The following SEMA4D variants were observed in gnomAD, a reference collection of about 807,000 sequenced individuals.
SEMA4D encodes semaphorin-4D.
A neutral mutation model predicts 74.8 loss-of-function variants in SEMA4D; 22 were observed. The ratio of observed to expected loss-of-function variants is 0.29; its 90% confidence interval spans 0.21 to 0.42. The LOEUF is 0.42. Among genes scored for constraint, SEMA4D ranks in the 10% least tolerant of loss-of-function variants. SEMA4D has a pLI of 1.00. For missense variants in SEMA4D, 937 were observed against 1,118.4 expected (o/e 0.84, Z 2.31); for synonymous variants, 445 against 463.7 (o/e 0.96, Z 0.52).
intron 16 of SEMA4D, among the ~76,000 whole-genome samples, chr9:89,371,900 G>A (rs1436118513): frequency 9.7e-6 from 1 of 103,472 alleles, no homozygotes; most frequent in African/African-American, 4.1e-5. Context: ...TCTGGGGTGT[G>A]GTATGTGTGT....
At chr9:89,384,925 C>A in intron 13 of SEMA4D, 6 of 985,470 alleles carry the variant, frequency 6.1e-6, no homozygotes, top group Non-Finnish European at 7.2e-6. Flanking sequence ...CAGGACCCCA[C>A]GGCAGGCAGG....
intron 1 of SEMA4D, among the ~76,000 whole-genome samples, chr9:89,458,231 G>GT (rs1195492848): frequency 6.6e-6 from 1 of 152,198 alleles, no homozygotes; most frequent in Non-Finnish European, 1.5e-5. Flanking sequence ...CCAGAGAGTA[G>GT]TAACAGGTTT....
chr9:89,479,486 A>G (rs569580519), intron 1 of SEMA4D: 49 of 173,800 alleles, frequency 2.8e-4, no homozygotes, highest in African/African-American at 1.2e-3. Context: ...TGTATCCCCT[A>G]TTGTGTCCGG....
At chr9:89,417,588 G>A (rs1215485539) in intron 2 of SEMA4D, among the ~76,000 whole-genome samples, 1 of 152,226 alleles carries the variant, frequency 6.6e-6, no homozygotes, top group Non-Finnish European at 1.5e-5. Context: ...AACTGAAAAT[G>A]CATGGCTTGG....
intron 1 of SEMA4D, among the ~76,000 whole-genome samples, chr9:89,481,487 A>T (rs940189410): frequency 1.3e-5 from 2 of 152,242 alleles, no homozygotes; most frequent in Non-Finnish European, 2.9e-5. Flanking sequence ...TCCTGAAAGG[A>T]CAATAAAAGG....
At chr9:89,371,892 TG>T (rs1160628654) in intron 16 of SEMA4D, among the ~76,000 whole-genome samples, 2 of 39,108 alleles carry the variant, frequency 5.1e-5, no homozygotes, top group African/African-American at 2.2e-4. Context: ...GTGTGGTGTC[TG>T]GGGTGTGGTA....
chr9:89,383,846 C>G (rs1318875498), intron 13 of SEMA4D, among the ~76,000 whole-genome samples: 1 of 152,170 alleles, frequency 6.6e-6, no homozygotes, highest in Non-Finnish European at 1.5e-5. Context: ...GCAAGCCTGT[C>G]CTGTGCACTC....
chr9:89,497,856 C>G (rs1826158594), intron 1 of SEMA4D, 63 bp downstream of exon 1: 1 of 151,362 alleles, frequency 6.6e-6, no homozygotes, highest in African/African-American at 2.4e-5. Flanking sequence ...AGGGTCCAGG[C>G]CGCCCCCAGC....
intron 2 of SEMA4D, among the ~76,000 whole-genome samples, chr9:89,419,884 T>C (rs1288865593): frequency 6.6e-6 from 1 of 152,100 alleles, no homozygotes; most frequent in Non-Finnish European, 1.5e-5. Context: ...GCCATTGCAC[T>C]CTGACCTGGG....
chr9:89,438,209 G>A (rs7041468), intron 2 of SEMA4D, among the ~76,000 whole-genome samples: 77,658 of 152,094 alleles, frequency 0.51, 20,441 homozygotes, highest in African/African-American at 0.65. Flanking sequence ...GCCTTTTGTG[G>A]CCATGAAGGC....
exon 19 of SEMA4D, chr9:89,361,242 G>GTGAT (rs1411472987): frequency 6.6e-6 from 1 of 152,220 alleles, no homozygotes; most frequent in Non-Finnish European, 1.5e-5. Context: ...GACACCTGTT[G>GTGAT]TGATGGATCC....
rs1031976041 is a variant in SEMA4D at position 89,385,153 on chromosome 9, CCT to C, written c.1446+1212_1446+1213del. 5.2e-5 allele frequency: 46 copies of C among 887,208 alleles called. No homozygotes were observed. In the African/African-American group the frequency reaches 7.6e-4, roughly 15 times the overall value. The allele number at this position is 887,208 out of a possible 1,614,324, so 55.0% of individuals were successfully genotyped here. A position where few individuals can be genotyped will look rare whatever the true frequency, so the allele number is the denominator to read the frequency against. Reference sequence around the variant, plus strand: ...GCGGGTGGGCACTGACCCGTAACCCCCTCTGTGCGGCCCTCCTCTTCCTACCC... The same window carrying C: ...GCGGGTGGGCACTGACCCGTAACCCCCTGTGCGGCCCTCCTCTTCCTACCC... On this transcript the variant is annotated intron_variant, in intron 13 of 15. Transcript: ENST00000422704.
chr9:89,370,376 G>T (rs1834378295), intron 16 of SEMA4D, among the ~76,000 whole-genome samples: 1 of 151,298 alleles, frequency 6.6e-6, no homozygotes, highest in Non-Finnish European at 1.5e-5. Flanking sequence ...TACGTATGTG[G>T]TGTATCTGAT....
chr9:89,469,449 G>A (rs1180081934), intron 1 of SEMA4D, among the ~76,000 whole-genome samples: 2 of 152,136 alleles, frequency 1.3e-5, no homozygotes, highest in Non-Finnish European at 2.9e-5. Context: ...TACCCTGATA[G>A]CAAATCCAGA....
intron 2 of SEMA4D, among the ~76,000 whole-genome samples, chr9:89,425,289 T>C (rs1287244367): frequency 6.6e-6 from 1 of 152,146 alleles, no homozygotes; most frequent in African/African-American, 2.4e-5. Context: ...GTGGCTCAGC[T>C]CGAAGGCCAG....
chr9:89,404,385 C>T (rs116303276), intron 3 of SEMA4D, among the ~76,000 whole-genome samples: 362 of 152,268 alleles, frequency 2.4e-3, no homozygotes, highest in African/African-American at 8.4e-3. Flanking sequence ...GAGGTCTGCA[C>T]GAGCCTTGCT....
intron 2 of SEMA4D, among the ~76,000 whole-genome samples, chr9:89,424,509 A>C (rs1041972767): frequency 1.3e-5 from 2 of 152,216 alleles, no homozygotes; most frequent in Non-Finnish European, 2.9e-5. Context: ...ATTTAAATCC[A>C]AGATGCTTCC....
rs1010109017 is a variant in SEMA4D, at chr9:89,492,674, C to T, written c.-310+5245G>A. Among the ~76,000 whole-genome samples the T allele has an allele frequency of 1.3e-5, 2 of 152,182 alleles. No homozygotes were observed. Among genetic ancestry groups the T allele is most frequent in the African/African-American group, 2.4e-5 (1 of 41,434 alleles). On this transcript the variant is annotated intron_variant, in intron 1 of 15. Transcript: ENST00000422704. The surrounding 1 kb of genome is among the most constrained non-coding windows in gnomAD (Gnocchi z 4.3). ...AACACCCGATCCAAGACTCTTGGGT[C>T]ATCCTGGACCCCTTGCTTGCTGCAA... is the stretch of plus-strand genomic sequence containing the variant.
intron 1 of SEMA4D, among the ~76,000 whole-genome samples, 164 bp from the exon 2 acceptor site, chr9:89,456,117 C>A (rs1460450321): frequency 6.6e-6 from 1 of 152,238 alleles, no homozygotes; most frequent in African/African-American, 2.4e-5. Context: ...ATACAGCTTA[C>A]CTGGCCACGT....
Sources: allele counts gnomAD v4.1 joint callset (sites outside exome capture counted in the v4.1 genomes callset), GRCh38; gene constraint gnomAD v4.1.1; non-coding constraint Gnocchi (gnomAD v3.1); transcripts MANE v1.5; gene names NCBI Gene and HGNC (gene_info 2026-07-23, HGNC 2026-07-21).